Variants in SPOCK3 observed in about 807,000 individuals in gnomAD.
SPOCK3 encodes testican-3.
In SPOCK3, 30 loss-of-function variants were observed where a neutral mutation model predicts 56.6. The observed-to-expected ratio is 0.53, with a 90% CI of 0.40 to 0.72. SPOCK3 has a LOEUF of 0.72. Ranked by LOEUF, SPOCK3 falls within the 30% of genes least tolerant of loss-of-function variation. The pLI is 0.00. For missense variants in SPOCK3, 527 were observed against 530.0 expected (o/e 0.99, Z 0.06); for synonymous variants, 196 against 183.3 (o/e 1.07, Z -0.56).
At chr4:167,039,113 C>T (rs1167302499) in intron 3 of SPOCK3, among the ~76,000 whole-genome samples, 1 of 152,096 alleles carries the variant, frequency 6.6e-6, no homozygotes. Flanking sequence ...CCTAGCTTCC[C>T]GGGCTTCTCA....
intron 2 of SPOCK3, among the ~76,000 whole-genome samples, chr4:167,101,041 T>C (rs1376694829): frequency 1.3e-5 from 2 of 152,146 alleles, no homozygotes; most frequent in African/African-American, 4.8e-5. Context: ...TTCCTACATC[T>C]TTAGTCTCGA....
intron 6 of SPOCK3, among the ~76,000 whole-genome samples, chr4:166,868,550 A>T (rs1460926240): frequency 6.6e-6 from 1 of 152,166 alleles, no homozygotes; most frequent in African/African-American, 2.4e-5. Context: ...GAATTTTCTT[A>T]AAACCTATGT....
At chr4:166,887,261 A>T (rs538085167) in intron 6 of SPOCK3, among the ~76,000 whole-genome samples, 1 of 152,310 alleles carries the variant, frequency 6.6e-6, no homozygotes, top group African/African-American at 2.4e-5. Flanking sequence ...CATTCAAAAC[A>T]AAGTTTAAAA....
At chr4:166,948,963 A>C (rs1246618102) in intron 4 of SPOCK3, among the ~76,000 whole-genome samples, 1 of 152,158 alleles carries the variant, frequency 6.6e-6, no homozygotes, top group Non-Finnish European at 1.5e-5. Context: ...CATTCTCCCC[A>C]TCACTTTCAC....
Position 167,194,553 on chromosome 4 carries a change from G to A in SPOCK3, c.189+39432C>T, listed in dbSNP as rs750728196. ...TGTCTGTGCATCTGAAGGAGTTAAT[G>A]TCTCTCCGAGTGTGCAGACTAGTTT... On this transcript the variant is annotated intron_variant, in intron 2 of 10. Coordinates refer to ENST00000357545, the MANE Select transcript of SPOCK3 (RefSeq NM_001040159.2). 2.0e-5 allele frequency among the ~76,000 whole-genome samples: 3 copies of A among 152,304 alleles called. No individual in the cohort carries two copies. In the South Asian group the frequency reaches 6.2e-4, roughly 32 times the overall value.
chr4:166,874,466 T>C (rs1255049646), intron 6 of SPOCK3, among the ~76,000 whole-genome samples: 1 of 152,132 alleles, frequency 6.6e-6, no homozygotes. Flanking sequence ...TTATATAACG[T>C]GCTAAGGACA....
intron 2 of SPOCK3, among the ~76,000 whole-genome samples, chr4:167,164,809 T>C (rs112587542): frequency 2.8e-4 from 43 of 152,316 alleles, no homozygotes; most frequent in African/African-American, 9.9e-4. Context: ...ATGGTGTATA[T>C]GTGCCACATT....
At chr4:167,231,256 A>C (rs1220026752) in intron 2 of SPOCK3, among the ~76,000 whole-genome samples, 3 of 152,072 alleles carry the variant, frequency 2.0e-5, no homozygotes, top group African/African-American at 7.2e-5. Context: ...GAACAGTTCA[A>C]ACTTTCATTA....
chr4:166,849,351 T>G (rs551944196), intron 6 of SPOCK3, among the ~76,000 whole-genome samples: 75 of 152,300 alleles, frequency 4.9e-4, no homozygotes, highest in Non-Finnish European at 7.5e-4. Context: ...AATCTGTTCA[T>G]TCTGTACTAT....
intron 2 of SPOCK3, among the ~76,000 whole-genome samples, chr4:167,196,973 G>C (rs1733016908): frequency 6.6e-6 from 1 of 152,106 alleles, no homozygotes; most frequent in African/African-American, 2.4e-5. Context: ...AGCTAATCAT[G>C]GGAATGACCT....
At chr4:166,792,137 T>A (rs1481234779) in intron 7 of SPOCK3, 33 bp downstream of exon 7, 1 of 1,612,668 alleles carries the variant, frequency 6.2e-7, no homozygotes, top group East Asian at 2.2e-5. Flanking sequence ...TCATAACAGA[T>A]ACAGTAGCAA....
intron 2 of SPOCK3, among the ~76,000 whole-genome samples, chr4:167,209,173 C>T (rs577771458): frequency 2.0e-5 from 3 of 152,164 alleles, no homozygotes; most frequent in African/African-American, 4.8e-5. Flanking sequence ...TTGTGCTTCT[C>T]GGACTGGGGT....
chr4:167,225,235 G>A (rs139811421), intron 2 of SPOCK3, among the ~76,000 whole-genome samples: 320 of 152,122 alleles, frequency 2.1e-3, no homozygotes, highest in African/African-American at 7.1e-3. Context: ...ATTTCTGAAG[G>A]AGGGAATAAA....
chr4:166,975,775 T>C (rs1478728454), intron 4 of SPOCK3, among the ~76,000 whole-genome samples: 1 of 152,180 alleles, frequency 6.6e-6, no homozygotes, highest in Non-Finnish European at 1.5e-5. Flanking sequence ...AGTTTGTCTT[T>C]CTGTGCCTGG....
At chr4:167,140,506 C>T (rs2150397835) in intron 2 of SPOCK3, among the ~76,000 whole-genome samples, 1 of 152,044 alleles carries the variant, frequency 6.6e-6, no homozygotes, top group South Asian at 2.1e-4. Context: ...AACTTATCTG[C>T]CTGAAGAAAG....
intron 3 of SPOCK3, among the ~76,000 whole-genome samples, chr4:167,008,238 T>C (rs549547310): frequency 6.6e-6 from 1 of 152,120 alleles, no homozygotes; most frequent in East Asian, 1.9e-4. Context: ...TTCAGGAAGA[T>C]TAATATTCTA....
intron 2 of SPOCK3, among the ~76,000 whole-genome samples, chr4:167,085,220 A>G (rs2150298549): frequency 1.3e-5 from 2 of 152,034 alleles, no homozygotes; most frequent in Middle Eastern, 6.8e-3. Context: ...GACTATAGGA[A>G]TTTGAGATGC....
At chr4:167,186,223 G>C (rs928996898) in intron 2 of SPOCK3, among the ~76,000 whole-genome samples, 2 of 152,020 alleles carry the variant, frequency 1.3e-5, no homozygotes, top group South Asian at 4.1e-4. Flanking sequence ...TGCAAAATTA[G>C]AATAAGATTC....
intron 4 of SPOCK3, among the ~76,000 whole-genome samples, chr4:166,950,529 G>C (rs1016255872): frequency 2.0e-5 from 3 of 151,950 alleles, no homozygotes; most frequent in Admixed American, 6.6e-5. Context: ...AGATCAATGA[G>C]ACAGAAAGTT....
Sources: gnomAD v4.1 joint callset for allele counts (sites outside exome capture counted in the v4.1 genomes callset) on GRCh38, gnomAD v4.1.1 for gene constraint, MANE v1.5 for transcripts, NCBI Gene and HGNC (gene_info 2026-07-23, HGNC 2026-07-21) for gene names.